Variants in CIP2A observed in about 807,000 individuals in gnomAD.
CIP2A encodes protein CIP2A.
In CIP2A, 103 loss-of-function variants were observed where a neutral mutation model predicts 110.9. The observed-to-expected ratio is 0.93, with a 90% CI of 0.79 to 1.09. The LOEUF (loss-of-function observed/expected upper bound fraction) is 1.09. CIP2A is among the 50% of genes least tolerant of loss of function. CIP2A has a pLI of 0.00. For synonymous variants in CIP2A, 381 were observed against 361.6 expected, an observed-to-expected ratio of 1.05 and a Z score of -0.61; for missense variants, 1,088 against 1,038.4, an observed-to-expected ratio of 1.05 and a Z score of -0.66.
At chr3:108,554,011 T>C (rs1335486384) in intron 18 of CIP2A, among the ~76,000 whole-genome samples, 3 of 149,940 alleles carry the variant, frequency 2.0e-5, no homozygotes, top group Non-Finnish European at 4.4e-5. Context: ...TTCTCCTGCC[T>C]CAGCCTTCTG....
chr3:108,552,629 G>C (rs1324524170), intron 19 of CIP2A, among the ~76,000 whole-genome samples: 1 of 152,140 alleles, frequency 6.6e-6, no homozygotes, highest in Non-Finnish European at 1.5e-5. Context: ...CTACAACTAT[G>C]AAAAATTATA....
chr3:108,565,463 A>G lies in CIP2A; in HGVS notation c.1416-9T>C, dbSNP rs1373229088. The G allele has an allele frequency of 1.4e-6, 2 of 1,468,042 alleles. No individual in the cohort carries two copies. Among genetic ancestry groups the G allele is most frequent in the Non-Finnish European group, 1.9e-6 (2 of 1,062,746 alleles). 90.9% of individuals were successfully genotyped at this position (1,468,042 alleles called of 1,614,324 possible). Reference sequence around the variant, plus strand: ...CATCAGCAGCAAGTTTGCTTTAAAGATAAATCACATTTAAATTAGATAACT... The same window carrying G: ...CATCAGCAGCAAGTTTGCTTTAAAGGTAAATCACATTTAAATTAGATAACT... On this transcript the variant is annotated splice_polypyrimidine_tract_variant and intron_variant, in intron 11 of 20. Transcript: ENST00000295746.
intron 10 of CIP2A, 115 bp downstream of exon 10, chr3:108,568,040 A>G: frequency 2.8e-6 from 2 of 726,132 alleles, no homozygotes; most frequent in Non-Finnish European, 4.2e-6. Flanking sequence ...AATTCTAGAT[A>G]AATATGAGCA....
At chr3:108,568,920 G>T (rs937139945) in intron 9 of CIP2A, among the ~76,000 whole-genome samples, 3 of 151,222 alleles carry the variant, frequency 2.0e-5, no homozygotes, top group African/African-American at 7.3e-5. Context: ...ATATTAAATT[G>T]CCCAGATAGT....
At chr3:108,578,104 G>A (rs1938743460) in intron 7 of CIP2A, among the ~76,000 whole-genome samples, 1 of 152,170 alleles carries the variant, frequency 6.6e-6, no homozygotes. Context: ...AATTGCCAGA[G>A]GTGATTCTGG....
In CIP2A at chr3:108,579,687, C is replaced by T. The variant is rs753667832; in HGVS notation, c.551G>A (p.Ser184Asn). The T allele has an allele frequency of 6.5e-7, 1 of 1,532,002 alleles. No individual in the cohort carries two copies. Among genetic ancestry groups the T allele is most frequent in the South Asian group, 1.3e-5 (1 of 75,594 alleles). The allele number at this position is 1,532,002 out of a possible 1,614,324, so 94.9% of individuals were successfully genotyped here. A position where few individuals can be genotyped will look rare whatever the true frequency, so the allele number is the denominator to read the frequency against. The change falls in exon 6 of 21, where the codon AGT becomes AAT. Residue 184 changes from serine to asparagine, a missense_variant and splice_region_variant. Transcript: ENST00000295746. Reference protein sequence around the residue: ...LSVQTHIKTLSNVKSFYRTLI... With the variant: ...LSVQTHIKTLNNVKSFYRTLI... ...AGTTCGATAAAAAGATTTCACATTA[C>T]TCTGAGGAAAAAAAAGTTAAAAAAT...
In CIP2A at chr3:108,569,728, A is replaced by G. The variant is rs372422538; in HGVS notation, c.895-121T>C. 1,620 of 741,770 alleles carry G rather than the reference A, an allele frequency of 2.2e-3. 35 individuals are homozygous for G. The South Asian group carries it at 0.029, about 13-fold the overall frequency. 45.9% of individuals were successfully genotyped at this position (741,770 alleles called of 1,614,324 possible). On this transcript the variant is annotated intron_variant, in intron 8 of 20. Coordinates refer to ENST00000295746, the MANE Select transcript of CIP2A (RefSeq NM_020890.3). ...AGAAAATATTCTAAAACAAAACTTA[A>G]GTTTTTTCTTTCAATATTATTTTTC...
intron 1 of CIP2A, among the ~76,000 whole-genome samples, chr3:108,588,714 C>T (rs1939183154): frequency 6.6e-6 from 1 of 152,022 alleles, no homozygotes; most frequent in South Asian, 2.1e-4. Context: ...GAAAAAAAGG[C>T]AATTCAGCAT....
rs1034164733 is a variant in CIP2A at position 108,577,678 on chromosome 3, C to T, written c.819-1332G>A. On this transcript the variant is annotated intron_variant, in intron 7 of 20. Coordinates refer to ENST00000295746, the MANE Select transcript of CIP2A (RefSeq NM_020890.3). Reference sequence around the variant, plus strand: ...CTTTGGGAGGCTGAAGCGGGTGGATCGCTTGAGGTCAGGAGTTCAAGACCA... The same window carrying T: ...CTTTGGGAGGCTGAAGCGGGTGGATTGCTTGAGGTCAGGAGTTCAAGACCA... Among the ~76,000 whole-genome samples, 3 of 152,106 alleles carry T rather than the reference C, an allele frequency of 2.0e-5. No homozygotes were observed. In the South Asian group the frequency reaches 6.2e-4, roughly 32 times the overall value.
In CIP2A at chr3:108,575,865, C is replaced by CTCATATACATGTGTATATACGT. The variant is rs1330341389; in HGVS notation, c.894+405_894+406insACGTATATACACATGTATATGA. 8.4e-5 allele frequency among the ~76,000 whole-genome samples: 5 copies of CTCATATACATGTGTATATACGT among 59,546 alleles called. 1 individual carries two copies. The highest frequency in any genetic ancestry group is 2.2e-4 in the African/African-American group (5 of 22,506). 39.1% of individuals were successfully genotyped at this position (59,546 alleles called of 152,430 possible). A position where few individuals can be genotyped will look rare whatever the true frequency, so the allele number is the denominator to read the frequency against. ...ATACTCATATACATGTGTATATACA[C>CTCATATACATGTGTATATACGT]GTATATATACTCATATACATGTGTA... On this transcript the variant is annotated intron_variant, in intron 8 of 20. Transcript: ENST00000295746.
intron 5 of CIP2A, among the ~76,000 whole-genome samples, chr3:108,580,480 C>T (rs1938831868): frequency 6.7e-6 from 1 of 148,518 alleles, no homozygotes; most frequent in Non-Finnish European, 1.5e-5. Flanking sequence ...CACAGTTACT[C>T]CACCTCCAAA....
In CIP2A at chr3:108,583,103, C is replaced by A; in HGVS notation, c.251-20G>T. The A allele has an allele frequency of 7.5e-7, 1 of 1,336,226 alleles. No individual in the cohort carries two copies. The highest frequency in any genetic ancestry group is 1.0e-6 in the Non-Finnish European group (1 of 954,464). The allele number at this position is 1,336,226 out of a possible 1,614,324, so 82.8% of individuals were successfully genotyped here. On this transcript the variant is annotated intron_variant, in intron 2 of 20. Coordinates refer to ENST00000295746, the MANE Select transcript of CIP2A (RefSeq NM_020890.3). ...CTACTGCTATAAGTTAAAATAAAAG[C>A]ACAAAATATATCATTTTCTTACAAG... is the stretch of plus-strand genomic sequence containing the variant.
At position 108,559,759 on chromosome 3, in the gene CIP2A, C is replaced by T; in HGVS notation, c.2011G>A (p.Glu671Lys). Residue 671 changes from glutamate (E) to lysine (K), a missense_variant and splice_region_variant, in exon 16 of 21, where the codon GAG (glutamate) becomes AAG (lysine). Physicochemically the swap from Glu to Lys is moderately conservative, Grantham distance 56. Transcript: ENST00000295746. Reference sequence around the variant, plus strand: ...ATGTGTCTTTATATTCTACACACCTCTGTTTCAGCTTGAGTTCTTTGACAG... The same window carrying T: ...ATGTGTCTTTATATTCTACACACCTTTGTTTCAGCTTGAGTTCTTTGACAG... ...HRCQRTQAET[E>K]ARTLASMLRE... 6.4e-7 allele frequency: 1 copy of T among 1,564,438 alleles called. No homozygotes were observed. The highest frequency in any genetic ancestry group is 1.2e-5 in the South Asian group (1 of 85,310).
At chr3:108,575,039 C>G (rs769038030) in intron 8 of CIP2A, 1 of 152,192 alleles carries the variant, frequency 6.6e-6, no homozygotes, top group Non-Finnish European at 1.5e-5. Flanking sequence ...GGCCCCCGGA[C>G]AAGTGGTGAG....
intron 9 of CIP2A, among the ~76,000 whole-genome samples, chr3:108,568,679 C>A (rs1158244723): frequency 6.6e-6 from 1 of 151,976 alleles, no homozygotes; most frequent in Non-Finnish European, 1.5e-5. Flanking sequence ...TTTATGACCA[C>A]AAATAATTTC....
intron 13 of CIP2A, 77 bp from the exon 14 acceptor site, chr3:108,560,918 A>G: frequency 1.1e-6 from 1 of 874,688 alleles, no homozygotes; most frequent in South Asian, 2.6e-5. Flanking sequence ...AGAATTAGGG[A>G]ATTTTTAAGA....
rs370937449 is a variant in CIP2A at position 108,559,879 on chromosome 3, C to G, written c.1903-12G>C. 13 of 1,599,130 alleles carry G rather than the reference C, an allele frequency of 8.1e-6. No individual in the cohort carries two copies. The African/African-American group carries it at 1.7e-4, about 21-fold the overall frequency. ...CTGCTTTCTTTGGACTACAAGAAAA[C>G]ATATCATTAATTTTCATTTTAGGAA... On this transcript the variant is annotated splice_polypyrimidine_tract_variant and intron_variant, in intron 15 of 20. Transcript: ENST00000295746.
intron 8 of CIP2A, among the ~76,000 whole-genome samples, chr3:108,574,144 C>G (rs1053884163): frequency 3.9e-5 from 6 of 152,150 alleles, no homozygotes; most frequent in Non-Finnish European, 8.8e-5. Flanking sequence ...TCAAAAGACT[C>G]CAGAATAACT....
Position 108,553,617 on chromosome 3 carries a change from T to C in CIP2A, c.2407+31A>G. The C allele has an allele frequency of 2.0e-6, 3 of 1,527,136 alleles. 1 individual carries two copies. Among genetic ancestry groups the C allele is most frequent in the South Asian group, 2.4e-5 (2 of 83,182 alleles). The allele number at this position is 1,527,136 out of a possible 1,614,324, so 94.6% of individuals were successfully genotyped here. ...GCTTCCAAAATAAATACATTAAAAA[T>C]AGAAAATGTATTAAATAAGAAGCCA... On this transcript the variant is annotated intron_variant, in intron 19 of 20. Coordinates refer to ENST00000295746, the MANE Select transcript of CIP2A (RefSeq NM_020890.3).
Sources: allele counts gnomAD v4.1 joint callset (sites outside exome capture counted in the v4.1 genomes callset), GRCh38; gene constraint gnomAD v4.1.1; transcripts MANE v1.5; gene names NCBI Gene and HGNC (gene_info 2026-07-23, HGNC 2026-07-21).